SEMA6D: variants seen among roughly 807,000 people sequenced by gnomAD.
The protein encoded by SEMA6D is semaphorin-6D.
SEMA6D carries 35 observed loss-of-function variants against 106.6 expected under a neutral mutation model. That is an observed-to-expected ratio of 0.33 (90% CI 0.25 to 0.44). The LOEUF (loss-of-function observed/expected upper bound fraction) is 0.44. Ranked by LOEUF, SEMA6D falls within the 20% of genes least tolerant of loss-of-function variation. SEMA6D has a pLI of 1.00. For missense variants in SEMA6D, 1,185 were observed against 1,345.9 expected (o/e 0.88, Z 1.87); for synonymous variants, 499 against 487.7 (o/e 1.02, Z -0.31).
chr15:47,538,341 G>A (rs1190245706), intron 3 of SEMA6D, among the ~76,000 whole-genome samples: 2 of 152,124 alleles, frequency 1.3e-5, no homozygotes, highest in African/African-American at 4.8e-5. Context: ...GTTGGGTGTT[G>A]ATACAATGGG....
At chr15:47,357,442 C>T (rs2038630474) in intron 1 of SEMA6D, among the ~76,000 whole-genome samples, 1 of 152,166 alleles carries the variant, frequency 6.6e-6, no homozygotes, top group African/African-American at 2.4e-5. Context: ...AAAGCAGTGT[C>T]TGGAGGAGCC....
At chr15:47,314,597 C>CAAAAAAAAAAA (rs764929520) in intron 1 of SEMA6D, among the ~76,000 whole-genome samples, 14 of 24,274 alleles carry the variant, frequency 5.8e-4, no homozygotes, top group Non-Finnish European at 1.4e-3. Flanking sequence ...GACTCCATCT[C>CAAAAAAAAAAA]AAAAAAAAAA....
chr15:47,705,849 T>TA (rs1421807182), intron 4 of SEMA6D, among the ~76,000 whole-genome samples: 1 of 152,212 alleles, frequency 6.6e-6, no homozygotes, highest in Admixed American at 6.5e-5. Context: ...TTAAGGCCAT[T>TA]ACCAGGGAAC....
chr15:47,560,068 A>G (rs1325963408), intron 3 of SEMA6D, among the ~76,000 whole-genome samples: 1 of 152,156 alleles, frequency 6.6e-6, no homozygotes. Flanking sequence ...GTAAATTACT[A>G]AACAAACAAA....
At chr15:47,541,837 A>G (rs542769044) in intron 3 of SEMA6D, among the ~76,000 whole-genome samples, 1 of 151,810 alleles carries the variant, frequency 6.6e-6, no homozygotes, top group East Asian at 1.9e-4. Context: ...TTCTTGGTAG[A>G]TTCAGAGCTG....
chr15:47,560,226 T>G (rs963864857), intron 3 of SEMA6D, among the ~76,000 whole-genome samples: 16 of 151,920 alleles, frequency 1.1e-4, no homozygotes, highest in African/African-American at 3.9e-4. Flanking sequence ...AAAAATGCAG[T>G]AAATAAAAAC....
Position 47,496,034 on chromosome 15 carries a change from A to G in SEMA6D, c.-87+25489A>G, listed in dbSNP as rs767514543. ...AAATTCTCTAAGGGAGACAGAAACA[A>G]TATTCACTAGAAATAGAGTATAACA... On this transcript the variant is annotated intron_variant, in intron 3 of 19. Coordinates refer to the SEMA6D transcript ENST00000558014. Among the ~76,000 whole-genome samples, 6 of 152,194 alleles carry G rather than the reference A, an allele frequency of 3.9e-5. No individual in the cohort carries two copies. In the South Asian group the frequency reaches 1.0e-3, roughly 26 times the overall value.
intron 3 of SEMA6D, among the ~76,000 whole-genome samples, chr15:47,511,635 A>C (rs990359292): frequency 1.3e-5 from 2 of 152,194 alleles, no homozygotes; most frequent in African/African-American, 2.4e-5. Context: ...ACTCATTAAG[A>C]CAATAATGGT....
intron 1 of SEMA6D, among the ~76,000 whole-genome samples, chr15:47,367,669 C>T (rs1268189875): frequency 2.7e-5 from 4 of 145,542 alleles, no homozygotes; most frequent in Non-Finnish European, 4.5e-5. Flanking sequence ...CCTAAACACG[C>T]ACGCTCACAC....
At chr15:47,277,662 A>G (rs2034891755) in intron 1 of SEMA6D, among the ~76,000 whole-genome samples, 1 of 150,742 alleles carries the variant, frequency 6.6e-6, no homozygotes, top group Non-Finnish European at 1.5e-5. Flanking sequence ...TGCACAATGT[A>G]CAGGTTAGTT....
intron 1 of SEMA6D, among the ~76,000 whole-genome samples, chr15:47,204,406 G>T (rs1000433635): frequency 6.6e-6 from 1 of 152,090 alleles, no homozygotes; most frequent in African/African-American, 2.4e-5. Context: ...GTGGCCAGAG[G>T]TTACTGTTTA....
intron 1 of SEMA6D, among the ~76,000 whole-genome samples, chr15:47,346,131 A>G: frequency 6.6e-6 from 1 of 152,184 alleles, no homozygotes; most frequent in Non-Finnish European, 1.5e-5. Flanking sequence ...AGTAACACAA[A>G]GACTTAGTTT....
intron 2 of SEMA6D, among the ~76,000 whole-genome samples, chr15:47,419,298 C>A (rs1163497672): frequency 2.0e-5 from 3 of 152,028 alleles, no homozygotes; most frequent in Non-Finnish European, 4.4e-5. Context: ...AGAAGGATGG[C>A]TGATGAAATC....
intron 3 of SEMA6D, among the ~76,000 whole-genome samples, chr15:47,538,619 A>G (rs1041160304): frequency 6.6e-5 from 10 of 152,328 alleles, no homozygotes; most frequent in Admixed American, 6.5e-4. Context: ...CACAGTGGCT[A>G]TTGATACATA....
intron 1 of SEMA6D, among the ~76,000 whole-genome samples, chr15:47,374,784 C>A (rs372528018): frequency 6.6e-6 from 1 of 152,120 alleles, no homozygotes; most frequent in Non-Finnish European, 1.5e-5. Flanking sequence ...TTACTCCTAA[C>A]GTCTAAATCT....
At chr15:47,236,110 C>A (rs914508257) in intron 1 of SEMA6D, among the ~76,000 whole-genome samples, 1 of 152,126 alleles carries the variant, frequency 6.6e-6, no homozygotes, top group African/African-American at 2.4e-5. Flanking sequence ...ATCTGGATTG[C>A]ATCAATCTTT....
At chr15:47,277,979 A>G (rs920333523) in intron 1 of SEMA6D, among the ~76,000 whole-genome samples, 20 of 152,158 alleles carry the variant, frequency 1.3e-4, no homozygotes, top group African/African-American at 4.6e-4. Context: ...TCCATGGTGT[A>G]TATGTACCAC....
chr15:47,330,870 T>C (rs2037316397), intron 1 of SEMA6D, among the ~76,000 whole-genome samples: 1 of 151,916 alleles, frequency 6.6e-6, no homozygotes. Context: ...TTATAGGACA[T>C]GAGGTATGGA....
At chr15:47,291,221 G>C (rs760349110) in intron 1 of SEMA6D, among the ~76,000 whole-genome samples, 8 of 152,228 alleles carry the variant, frequency 5.3e-5, no homozygotes, top group Non-Finnish European at 1.0e-4. Context: ...GTTCCTCAGT[G>C]CTATAAGGGC....
Sources: gnomAD v4.1 joint callset for allele counts (sites outside exome capture counted in the v4.1 genomes callset) on GRCh38, gnomAD v4.1.1 for gene constraint, MANE v1.5 for transcripts, NCBI Gene and HGNC (gene_info 2026-07-23, HGNC 2026-07-21) for gene names.